The following FAM168A variants were observed in gnomAD, a reference collection of about 807,000 sequenced individuals.
FAM168A encodes family with sequence similarity 168 member A, also known as protein FAM168A.
In FAM168A, 3 loss-of-function variants were observed where a neutral mutation model predicts 28.5. That is an observed-to-expected ratio of 0.11 (90% confidence interval 0.05 to 0.27). The LOEUF is 0.27. Among genes scored for constraint, FAM168A ranks in the 10% least tolerant of loss-of-function variants. FAM168A has a pLI of 1.00. For synonymous variants in FAM168A, 122 were observed against 124.2 expected (o/e 0.98, Z 0.12); for missense variants, 222 against 311.5 (o/e 0.71, Z 2.16).
chr11:73,439,852 C>A (rs1867159580), intron 2 of FAM168A, among the ~76,000 whole-genome samples: 2 of 148,656 alleles, frequency 1.3e-5, no homozygotes, highest in South Asian at 4.3e-4. Flanking sequence ...ATAATTTGGT[C>A]CATGAATACC....
intron 1 of FAM168A, among the ~76,000 whole-genome samples, chr11:73,479,419 C>T (rs1867936811): frequency 6.6e-6 from 1 of 152,056 alleles, no homozygotes; most frequent in Non-Finnish European, 1.5e-5. Context: ...TAAAGGATGA[C>T]AGGAATTCTA....
chr11:73,586,042 T>C (rs1345033054), intron 1 of FAM168A, among the ~76,000 whole-genome samples: 2 of 152,194 alleles, frequency 1.3e-5, no homozygotes, highest in Admixed American at 6.6e-5. Flanking sequence ...GTTCACTCAC[T>C]TAGCACTGGC....
intron 1 of FAM168A, among the ~76,000 whole-genome samples, chr11:73,485,478 C>G (rs547471514): frequency 6.6e-6 from 1 of 152,110 alleles, no homozygotes; most frequent in Non-Finnish European, 1.5e-5. Flanking sequence ...TGAAAGAATA[C>G]GTGAATGAAT....
chr11:73,409,401 T>C (rs1307288434), intron 6 of FAM168A, 86 bp downstream of exon 6: 3 of 1,555,316 alleles, frequency 1.9e-6, no homozygotes, highest in South Asian at 1.1e-5. Flanking sequence ...TGTGCTGTGC[T>C]GCAGCCAATT....
chr11:73,547,962 C>T (rs1943780719), intron 1 of FAM168A, among the ~76,000 whole-genome samples: 1 of 151,938 alleles, frequency 6.6e-6, no homozygotes. Context: ...GATATTATAC[C>T]AAGTGAAATA....
intron 3 of FAM168A, chr11:73,430,309 G>A: frequency 3.9e-6 from 1 of 258,090 alleles, no homozygotes; most frequent in Non-Finnish European, 7.6e-6. Context: ...TGTGTCCCAA[G>A]GGGTGTGTGG....
chr11:73,420,332 T>G (rs1219036199), intron 3 of FAM168A, among the ~76,000 whole-genome samples: 1 of 152,250 alleles, frequency 6.6e-6, no homozygotes, highest in Non-Finnish European at 1.5e-5. Flanking sequence ...CCTCAGCCAC[T>G]TTCTCATTAA....
chr11:73,564,782 C>G (rs147713144), intron 1 of FAM168A, among the ~76,000 whole-genome samples: 69 of 148,426 alleles, frequency 4.6e-4, no homozygotes, highest in Non-Finnish European at 8.0e-4. Context: ...AGGTATAGCT[C>G]TAGTCTAAAA....
intron 1 of FAM168A, among the ~76,000 whole-genome samples, chr11:73,493,640 C>T (rs1315337828): frequency 6.6e-6 from 1 of 152,186 alleles, no homozygotes; most frequent in East Asian, 1.9e-4. Flanking sequence ...CGGTCTCAAA[C>T]TCCTGGGCTC....
At chr11:73,562,999 C>A (rs1382618465) in intron 1 of FAM168A, among the ~76,000 whole-genome samples, 3 of 152,092 alleles carry the variant, frequency 2.0e-5, no homozygotes, top group African/African-American at 7.2e-5. Context: ...ATAGTATCCT[C>A]GTGACCAGTA....
intron 1 of FAM168A, among the ~76,000 whole-genome samples, chr11:73,562,389 T>C (rs1231018852): frequency 6.6e-6 from 1 of 152,246 alleles, no homozygotes; most frequent in East Asian, 1.9e-4. Context: ...ACAGTATCAT[T>C]TGACTCAGAC....
intron 1 of FAM168A, among the ~76,000 whole-genome samples, chr11:73,490,672 G>C (rs919930075): frequency 5.9e-5 from 9 of 152,014 alleles, no homozygotes; most frequent in Non-Finnish European, 1.0e-4. Flanking sequence ...ACTTACTTCA[G>C]GTCTTAATTT....
At chr11:73,460,189 A>C (rs1867619553) in intron 2 of FAM168A, among the ~76,000 whole-genome samples, 1 of 151,838 alleles carries the variant, frequency 6.6e-6, no homozygotes, top group African/African-American at 2.4e-5. Context: ...CTCCAAATGA[A>C]ATTTTTATTC....
intron 2 of FAM168A, among the ~76,000 whole-genome samples, chr11:73,461,700 G>T (rs553364661): frequency 6.6e-6 from 1 of 152,252 alleles, no homozygotes; most frequent in Admixed American, 6.5e-5. Flanking sequence ...GCATTGGAGT[G>T]ATGTCAAATT....
intron 1 of FAM168A, among the ~76,000 whole-genome samples, chr11:73,549,030 C>G (rs999252809): frequency 6.6e-6 from 1 of 152,112 alleles, no homozygotes; most frequent in East Asian, 1.9e-4. Flanking sequence ...CAACCTCCAC[C>G]CCCCGAGTTC....
At chr11:73,444,636 T>C (rs1459223232) in intron 2 of FAM168A, among the ~76,000 whole-genome samples, 3 of 152,250 alleles carry the variant, frequency 2.0e-5, no homozygotes, top group Admixed American at 1.3e-4. Context: ...TTGTAATTTA[T>C]TTCAGTCTAT....
At chr11:73,529,506 C>A (rs374828052) in intron 1 of FAM168A, among the ~76,000 whole-genome samples, 2 of 152,194 alleles carry the variant, frequency 1.3e-5, no homozygotes, top group African/African-American at 4.8e-5. Flanking sequence ...TTCAGATGGT[C>A]ACCCTTTAGG....
intron 1 of FAM168A, among the ~76,000 whole-genome samples, chr11:73,586,163 A>G (rs1944311764): frequency 6.6e-6 from 1 of 152,212 alleles, no homozygotes; most frequent in African/African-American, 2.4e-5. Context: ...CATAGGAAAA[A>G]GCACTCATAG....
chr11:73,544,818 A>T (rs1316292250), intron 1 of FAM168A, among the ~76,000 whole-genome samples: 2 of 107,080 alleles, frequency 1.9e-5, no homozygotes, highest in Non-Finnish European at 3.4e-5. Flanking sequence ...ATCATATATA[A>T]TAAATTTATT....
Sources: allele counts gnomAD v4.1 joint callset (sites outside exome capture counted in the v4.1 genomes callset), GRCh38; gene constraint gnomAD v4.1.1; transcripts MANE v1.5; gene names NCBI Gene and HGNC (gene_info 2026-07-23, HGNC 2026-07-21).